LMBRD1: variants seen among roughly 807,000 people sequenced by gnomAD.
LMBRD1 encodes the protein lysosomal cobalamin transport escort protein LMBD1.
LMBRD1 carries 64 observed loss-of-function variants against 74.8 expected under a neutral mutation model. The ratio of observed to expected loss-of-function variants is 0.86; its 90% CI spans 0.70 to 1.05. The LOEUF is 1.05. LMBRD1 is among the 50% of genes least tolerant of loss of function. The pLI is 0.00. For synonymous variants in LMBRD1, 204 were observed against 216.3 expected, an observed-to-expected ratio of 0.94 and a Z score of 0.50; for missense variants, 652 against 645.9, an observed-to-expected ratio of 1.01 and a Z score of -0.10.
chr6:69,761,436 A>G (rs4707359), intron 3 of LMBRD1, among the ~76,000 whole-genome samples: 55,924 of 152,070 alleles, frequency 0.37, 10,777 homozygotes, highest in East Asian at 0.54. Flanking sequence ...TTAGTCCTTC[A>G]TAACTTTTTA....
intron 14 of LMBRD1, among the ~76,000 whole-genome samples, chr6:69,679,057 CAA>C (rs1159728659): frequency 1.3e-3 from 166 of 128,540 alleles, no homozygotes; most frequent in African/African-American, 4.2e-3. Flanking sequence ...AAAAAAAAAA[CAA>C]AAACAAACAA....
At position 69,701,535 on chromosome 6, in the gene LMBRD1, C is replaced by T. The variant is rs1165312577; in HGVS notation, c.991G>A (p.Ala331Thr). Reference protein sequence around the residue: ...ISLFLSNLDKALHSAGIDSGF... With the variant: ...ISLFLSNLDKTLHSAGIDSGF... The stretch of plus-strand genomic sequence containing the variant: ...GAATCTATTCCAGCTGAATGAAGAG[C>T]TTTATCTAAACTAAAAAAAATTACA... The change falls in exon 11 of 16, where the codon GCT (alanine) becomes ACT (threonine). Residue 331 changes from alanine to threonine, a missense_variant. Ala to Thr is a moderately conservative substitution (Grantham distance 58). Transcript: ENST00000649934. 3 of 1,594,496 alleles carry T rather than the reference C, an allele frequency of 1.9e-6. No individual in the cohort carries two copies. The highest frequency in any genetic ancestry group is 2.3e-5 in the East Asian group (1 of 44,444).
At chr6:69,779,185 C>CAAAAAAAAAAAAAAAAAAAAAAA (rs11397050) in intron 3 of LMBRD1, among the ~76,000 whole-genome samples, 6 of 100,138 alleles carry the variant, frequency 6.0e-5, no homozygotes, top group African/African-American at 2.2e-4. Context: ...GACTCAGTCT[C>CAAAAAAAAAAAAAAAAAAAAAAA]AAAAAAAAAA....
chr6:69,741,840 A>T lies in LMBRD1; in HGVS notation c.511T>A (p.Ser171Thr). The change falls in exon 6 of 16, where the codon TCT becomes ACT. Residue 171 changes from serine (S) to threonine (T), a missense_variant. Ser to Thr is a moderately conservative substitution (Grantham distance 58). Coordinates refer to ENST00000649934, the MANE Select transcript of LMBRD1 (RefSeq NM_018368.4). Reference protein sequence around the residue: ...VPLNVPNNKNSTEWEKVKSLF... With the variant: ...VPLNVPNNKNTTEWEKVKSLF... Reference sequence around the variant, plus strand: ...GACTTCACTTTTTCCCACTCTGTAGAATTTTTGTTATTGGGAACATTCAAT... The same window carrying T: ...GACTTCACTTTTTCCCACTCTGTAGTATTTTTGTTATTGGGAACATTCAAT... 6.2e-7 allele frequency: 1 copy of T among 1,606,756 alleles called. No homozygotes were observed. Among genetic ancestry groups the T allele is most frequent in the Non-Finnish European group, 8.5e-7 (1 of 1,173,394 alleles).
rs1438265484 is a variant in LMBRD1 at position 69,676,179 on chromosome 6, C to T, written c.1602G>A (p.Glu534=). The T allele has an allele frequency of 6.2e-7, 1 of 1,613,006 alleles. No homozygotes were observed. Among genetic ancestry groups the T allele is most frequent in the Non-Finnish European group, 8.5e-7 (1 of 1,179,292 alleles). Residue 534 remains glutamate (E), a synonymous_variant, in exon 16 of 16, where the codon GAG becomes GAA. Coordinates refer to ENST00000649934, the MANE Select transcript of LMBRD1 (RefSeq NM_018368.4). ...VDEDSDISDD[E]PSVYSA is the part of the protein sequence containing the mutation. ...GCTGTCAAGCAGAATAGACAGAGGGCTCATCATCACTTATGTCTGAATCTT... is the reference window on the plus strand; with the variant it reads ...GCTGTCAAGCAGAATAGACAGAGGGTTCATCATCACTTATGTCTGAATCTT...
intron 1 of LMBRD1, 80 bp downstream of exon 1, chr6:69,796,733 C>T (rs1766242322): frequency 1.5e-6 from 2 of 1,355,064 alleles, no homozygotes; most frequent in South Asian, 1.2e-5. Context: ...CTCCGGGGCC[C>T]GGAGAGGCCA....
At chr6:69,782,687 CA>C (rs57114525) in intron 2 of LMBRD1, among the ~76,000 whole-genome samples, 84,944 of 146,770 alleles carry the variant, frequency 0.58, 24,399 homozygotes, top group East Asian at 0.74. Context: ...TCTCAAGAAA[CA>C]AAAAAAAAAA....
chr6:69,785,204 T>C (rs1361409432), intron 2 of LMBRD1, among the ~76,000 whole-genome samples: 1 of 152,340 alleles, frequency 6.6e-6, no homozygotes, highest in South Asian at 2.1e-4. Context: ...CTCCCTCTTC[T>C]GTTTTTCTTA....
At chr6:69,725,025 C>CA (rs1766696423) in intron 7 of LMBRD1, among the ~76,000 whole-genome samples, 2 of 152,082 alleles carry the variant, frequency 1.3e-5, no homozygotes, top group East Asian at 1.9e-4. Context: ...TTGCAGGATA[C>CA]AAAATCAACA....
In LMBRD1 at chr6:69,749,449, C is replaced by T. The variant is rs57591393; in HGVS notation, c.406-41G>A. On this transcript the variant is annotated intron_variant, in intron 4 of 15. Coordinates refer to ENST00000649934, the MANE Select transcript of LMBRD1 (RefSeq NM_018368.4). ...AAAAAAGTATAACATTTAGCAAGCC[C>T]TTTAAAATATAAAATATTCTTGCAA... 1.1e-4 allele frequency: 167 copies of T among 1,465,500 alleles called. No homozygotes were observed. The African/African-American group carries it at 1.9e-3, about 17-fold the overall frequency. The allele number at this position is 1,465,500 out of a possible 1,614,324, so 90.8% of individuals were successfully genotyped here.
At chr6:69,692,583 C>T (rs1238899524) in intron 14 of LMBRD1, among the ~76,000 whole-genome samples, 1 of 152,068 alleles carries the variant, frequency 6.6e-6, no homozygotes, top group African/African-American at 2.4e-5. Context: ...TGATAACATA[C>T]CAAATATATT....
At chr6:69,702,585 A>C (rs907912972) in intron 9 of LMBRD1, among the ~76,000 whole-genome samples, 1 of 152,084 alleles carries the variant, frequency 6.6e-6, no homozygotes, top group Admixed American at 6.6e-5. Flanking sequence ...TATATTAAAG[A>C]TGGTAGAAAA....
chr6:69,791,850 C>T (rs1213615329), intron 1 of LMBRD1, among the ~76,000 whole-genome samples: 1 of 152,136 alleles, frequency 6.6e-6, no homozygotes, highest in Non-Finnish European at 1.5e-5. Context: ...AGCAGTTTTC[C>T]ATGACTAGAG....
chr6:69,699,178 T>TA lies in LMBRD1; in HGVS notation c.1202_1203insT (p.Arg401SerfsTer4). 1 of 1,611,602 alleles carries TA rather than the reference T, an allele frequency of 6.2e-7. No homozygotes were observed. Among genetic ancestry groups the TA allele is most frequent in the Non-Finnish European group, 8.5e-7 (1 of 1,178,114 alleles). ...GTGCTTGGGGCCTGGTTCTACCTCT[T>TA]CTGATTTTATATAACTGGAAAGAAA... On this transcript the variant is annotated frameshift_variant, in exon 13 of 16. Transcript: ENST00000649934. LOFTEE classifies it high-confidence loss of function.
chr6:69,724,858 A>G (rs6930488), intron 7 of LMBRD1, among the ~76,000 whole-genome samples: 9 of 151,952 alleles, frequency 5.9e-5, no homozygotes, highest in African/African-American at 2.2e-4. Flanking sequence ...TGAAAGTCCT[A>G]GCTGGGGCAA....
At position 69,675,399 on chromosome 6, in the gene LMBRD1, TATG is replaced by T. The variant is rs1399729709; in HGVS notation, c.*756_*758del. 2.0e-5 allele frequency among the ~76,000 whole-genome samples: 3 copies of T among 152,104 alleles called. No individual in the cohort carries two copies. Among genetic ancestry groups the T allele is most frequent in the African/African-American group, 7.2e-5 (3 of 41,398 alleles). On this transcript the variant is annotated 3_prime_UTR_variant, in exon 16 of 16. Transcript: ENST00000649934. ...TGAAAAATTATCTCTAAAACCAAAA[TATG>T]ATGCCATATATCTTAAATTAATCCA...
chr6:69,676,806 A>G (rs1765556092), intron 14 of LMBRD1, among the ~76,000 whole-genome samples: 1 of 152,200 alleles, frequency 6.6e-6, no homozygotes, highest in African/African-American at 2.4e-5. Flanking sequence ...GTATAAAAAA[A>G]TCATCTTGAC....
chr6:69,747,549 A>G (rs527562276), intron 5 of LMBRD1, among the ~76,000 whole-genome samples: 33 of 152,296 alleles, frequency 2.2e-4, no homozygotes, highest in African/African-American at 7.2e-4. Flanking sequence ...CTCAACTCAA[A>G]TATTACTTCC....
intron 1 of LMBRD1, among the ~76,000 whole-genome samples, chr6:69,796,293 C>G (rs773092709): frequency 5.9e-5 from 9 of 152,120 alleles, no homozygotes; most frequent in Non-Finnish European, 1.3e-4. Context: ...GAGCAACTCA[C>G]GTCATCAAGG....
Sources: allele counts gnomAD v4.1 joint callset (sites outside exome capture counted in the v4.1 genomes callset), GRCh38; gene constraint gnomAD v4.1.1; transcripts MANE v1.5; gene names NCBI Gene and HGNC (gene_info 2026-07-23, HGNC 2026-07-21).